The following VPS53 variants were observed in gnomAD, a reference collection of about 807,000 sequenced individuals.
The protein encoded by VPS53 is vacuolar protein sorting-associated protein 53 homolog.
In VPS53, 70 loss-of-function variants were observed where a neutral mutation model predicts 107.0. The ratio of observed to expected loss-of-function variants is 0.65; its 90% confidence interval spans 0.54 to 0.80. VPS53 has a LOEUF of 0.80. Ranked by LOEUF, VPS53 falls within the 30% of genes least tolerant of loss-of-function variation. The probability of loss-of-function intolerance (pLI) is 0.00; values close to 1 mark genes in which losing one functional copy is unlikely to be tolerated. For missense variants in VPS53, 917 were observed against 1,049.4 expected (o/e 0.87, Z 1.74); for synonymous variants, 409 against 393.3 (o/e 1.04, Z -0.47).
intron 3 of VPS53, among the ~76,000 whole-genome samples, chr17:698,232 A>G (rs767652511): frequency 2.6e-5 from 4 of 152,212 alleles, no homozygotes; most frequent in Non-Finnish European, 4.4e-5. Flanking sequence ...TAGGAGTTCA[A>G]GACCAGCCTG....
At position 570,752 on chromosome 17, in the gene VPS53, C is replaced by G. The variant is rs189632260; in HGVS notation, c.1314-8007G>C. On this transcript the variant is annotated intron_variant, in intron 13 of 21. Transcript: ENST00000437048. ...TCCTAGGGCTATTCAAACAGGCCAA[C>G]AAACAAGCAGATTGGGACAACTGCT... Among the ~76,000 whole-genome samples the G allele has an allele frequency of 4.2e-4, 64 of 152,236 alleles. 1 individual carries two copies. Among genetic ancestry groups the G allele is most frequent in the African/African-American group, 1.4e-3 (59 of 41,542 alleles).
intron 12 of VPS53, among the ~76,000 whole-genome samples, chr17:587,062 G>GT (rs1187034766): frequency 1.3e-5 from 2 of 151,854 alleles, no homozygotes; most frequent in Non-Finnish European, 2.9e-5. Context: ...CAAATAAAGG[G>GT]TTTTTTTGTT....
intron 7 of VPS53, among the ~76,000 whole-genome samples, chr17:650,076 A>G (rs557847988): frequency 3.3e-5 from 5 of 152,360 alleles, no homozygotes; most frequent in African/African-American, 9.6e-5. Context: ...AGAAGATCCA[A>G]CGTTCACGTA....
rs920455932 is a variant in VPS53 at position 519,347 on chromosome 17, G to A, written c.2329-49C>T. 6 of 1,437,354 alleles carry A rather than the reference G, an allele frequency of 4.2e-6. No individual in the cohort carries two copies. The Admixed American group carries it at 1.5e-4, about 36-fold the overall frequency. 89.0% of individuals were successfully genotyped at this position (1,437,354 alleles called of 1,614,324 possible). On this transcript the variant is annotated intron_variant, in intron 21 of 21. Transcript: ENST00000437048. The surrounding 1 kb of genome is among the most constrained non-coding windows in gnomAD (Gnocchi z 5.0). ...CCGTCACGAAGTCTGGGCCAGAATGGCCCACGGGGGACAGCGCAGTATCTG... is the reference window on the plus strand; with the variant it reads ...CCGTCACGAAGTCTGGGCCAGAATGACCCACGGGGGACAGCGCAGTATCTG...
At chr17:657,100 A>T (rs1971225078) in intron 5 of VPS53, 5 of 1,086,474 alleles carry the variant, frequency 4.6e-6, no homozygotes, top group Non-Finnish European at 2.9e-6. Flanking sequence ...TCTCCAAATC[A>T]ATCTGAATGG....
At position 515,451 on chromosome 17, in the gene VPS53, G is replaced by C. The variant is rs987478194; in HGVS notation, c.*3677C>G. On this transcript the variant is annotated 3_prime_UTR_variant, in exon 22 of 22. Transcript: ENST00000437048. ...TCACCATGTCGGCCAGGCTGGTCTC[G>C]AACTCCTGACCTCACATGATCCACC... 2.0e-5 allele frequency: 3 copies of C among 151,934 alleles called. No homozygotes were observed. The highest frequency in any genetic ancestry group is 4.4e-5 in the Non-Finnish European group (3 of 68,000). 9.4% of individuals were successfully genotyped at this position (151,934 alleles called of 1,614,324 possible). A position where few individuals can be genotyped will look rare whatever the true frequency, so the allele number is the denominator to read the frequency against.
chr17:567,965 C>T (rs1328580422), intron 13 of VPS53, among the ~76,000 whole-genome samples: 1 of 151,988 alleles, frequency 6.6e-6, no homozygotes, highest in Non-Finnish European at 1.5e-5. Context: ...GGGAGTTCCA[C>T]TGATAAATTA....
chr17:665,111 C>T (rs1256624139), intron 4 of VPS53, among the ~76,000 whole-genome samples: 2 of 152,070 alleles, frequency 1.3e-5, no homozygotes, highest in African/African-American at 4.8e-5. Context: ...TACGAGGTGA[C>T]CAGGTCATGA....
intron 12 of VPS53, among the ~76,000 whole-genome samples, chr17:597,279 C>A (rs1283152343): frequency 6.6e-6 from 1 of 152,150 alleles, no homozygotes; most frequent in Non-Finnish European, 1.5e-5. Context: ...GAGACCTTCC[C>A]TCCAACCACC....
chr17:655,086 G>A (rs1032308239), intron 6 of VPS53, among the ~76,000 whole-genome samples: 2 of 152,162 alleles, frequency 1.3e-5, no homozygotes, highest in Non-Finnish European at 2.9e-5. Flanking sequence ...CTGCATCTCA[G>A]TTTCTATGAC....
intron 19 of VPS53, among the ~76,000 whole-genome samples, chr17:527,115 CAT>C (rs1181915062): frequency 3.3e-5 from 5 of 152,242 alleles, no homozygotes; most frequent in Non-Finnish European, 7.3e-5. Flanking sequence ...AACATCCAGA[CAT>C]GTGCACATCC....
chr17:521,790 G>A (rs541338244), intron 19 of VPS53, 52 bp from the exon 20 acceptor site: 11 of 1,411,846 alleles, frequency 7.8e-6, no homozygotes, highest in South Asian at 3.2e-5. Flanking sequence ...ACCCAGTGCC[G>A]AGTGGACTCA....
At chr17:653,142 T>A in intron 7 of VPS53, 149 bp downstream of exon 7, 7 of 1,557,534 alleles carry the variant, frequency 4.5e-6, no homozygotes, top group Non-Finnish European at 6.1e-6. Flanking sequence ...GGAATCCCCA[T>A]ATACTTTCCC....
intron 2 of VPS53, among the ~76,000 whole-genome samples, chr17:709,327 A>G (rs1001907491): frequency 1.3e-5 from 2 of 152,212 alleles, no homozygotes; most frequent in African/African-American, 4.8e-5. Context: ...ACTAGACTCC[A>G]TAAGACCAAG....
At chr17:580,128 C>G (rs1038350989) in intron 13 of VPS53, among the ~76,000 whole-genome samples, 4 of 151,920 alleles carry the variant, frequency 2.6e-5, no homozygotes, top group Non-Finnish European at 5.9e-5. Flanking sequence ...GAACCTCCCT[C>G]AGAACCTAAT....
intron 17 of VPS53, among the ~76,000 whole-genome samples, chr17:544,096 G>A (rs1910993168): frequency 6.6e-6 from 1 of 152,038 alleles, no homozygotes; most frequent in African/African-American, 2.4e-5. Context: ...TAGTTTTCAG[G>A]GAAAAATATT....
intron 13 of VPS53, among the ~76,000 whole-genome samples, chr17:584,952 G>A (rs998052004): frequency 3.3e-5 from 5 of 152,178 alleles, no homozygotes; most frequent in Non-Finnish European, 7.3e-5. Context: ...ACTCCAATTA[G>A]TAAATGTAGA....
At chr17:590,194 A>G (rs1424135572) in intron 12 of VPS53, among the ~76,000 whole-genome samples, 2 of 151,950 alleles carry the variant, frequency 1.3e-5, no homozygotes, top group African/African-American at 2.4e-5. Context: ...TTGTTGGTGT[A>G]TAAGAATGCT....
At chr17:708,748 T>C (rs767769571) in intron 2 of VPS53, among the ~76,000 whole-genome samples, 21 of 152,328 alleles carry the variant, frequency 1.4e-4, no homozygotes, top group Non-Finnish European at 1.9e-4. Flanking sequence ...GTTCTCACTG[T>C]TGTCTTCTGG....
Sources: gnomAD v4.1 joint callset for allele counts (sites outside exome capture counted in the v4.1 genomes callset) on GRCh38, gnomAD v4.1.1 for gene constraint, Gnocchi (gnomAD v3.1) non-coding constraint, MANE v1.5 for transcripts, NCBI Gene and HGNC (gene_info 2026-07-23, HGNC 2026-07-21) for gene names.